NDUFS1: variants seen among roughly 807,000 people sequenced by gnomAD.
The protein encoded by NDUFS1 is NADH-ubiquinone oxidoreductase 75 kDa subunit, mitochondrial.
NDUFS1 carries 61 observed loss-of-function variants against 84.4 expected under a neutral mutation model. The ratio of observed to expected loss-of-function variants is 0.72; its 90% confidence interval spans 0.59 to 0.89. The LOEUF (loss-of-function observed/expected upper bound fraction) is 0.89. Ranked by LOEUF, NDUFS1 falls within the 40% of genes least tolerant of loss-of-function variation. NDUFS1 has a pLI of 0.00. For synonymous variants in NDUFS1, 275 were observed against 290.0 expected (o/e 0.95, Z 0.53); for missense variants, 891 against 890.0 (o/e 1.00, Z -0.01).
At position 206,142,049 on chromosome 2, in the gene NDUFS1, T is replaced by C; in HGVS notation, c.1154A>G (p.Tyr385Cys). The C allele has an allele frequency of 6.2e-7, 1 of 1,604,300 alleles. No homozygotes were observed. Among genetic ancestry groups the C allele is most frequent in the Non-Finnish European group, 8.5e-7 (1 of 1,171,102 alleles). Reference protein sequence around the residue: ...AGAGTDLRSNYLLNTTIAGVE... With the variant: ...AGAGTDLRSNCLLNTTIAGVE... ...ACCAGCAATTGTAGTATTAAGAAGA[T>C]AATTGGAACGCAAATCTGTGCTAGA... The change falls in exon 12 of 19, where the codon TAT becomes TGT. Residue 385 changes from tyrosine (Y) to cysteine (C), a missense_variant. Physicochemically the swap from Tyr to Cys is radical, Grantham distance 194. Coordinates refer to ENST00000233190, the MANE Select transcript of NDUFS1 (RefSeq NM_005006.7).
At chr2:206,132,713 T>G (rs376332867) in intron 14 of NDUFS1, among the ~76,000 whole-genome samples, 16 of 152,340 alleles carry the variant, frequency 1.1e-4, no homozygotes, top group African/African-American at 3.1e-4. Flanking sequence ...TATAACAATT[T>G]TTATAGTACT....
intron 13 of NDUFS1, among the ~76,000 whole-genome samples, chr2:206,136,033 C>CTT (rs771696304): frequency 2.1e-5 from 3 of 142,124 alleles, no homozygotes; most frequent in East Asian, 2.0e-4. Context: ...ACTGCATCAG[C>CTT]TTTTTTTTTT....
At chr2:206,147,117 G>T (rs751969867) in intron 7 of NDUFS1, 29 bp from the exon 8 acceptor site, 1 of 1,603,448 alleles carries the variant, frequency 6.2e-7, no homozygotes, top group Middle Eastern at 1.7e-4. Context: ...GTCATCAATG[G>T]TCAAGTCCAG....
intron 1 of NDUFS1, among the ~76,000 whole-genome samples, chr2:206,157,619 C>T (rs986788689): frequency 6.6e-6 from 1 of 152,172 alleles, no homozygotes; most frequent in Non-Finnish European, 1.5e-5. Flanking sequence ...ACTTTTTTAT[C>T]TCCAATGCAA....
At position 206,127,863 on chromosome 2, in the gene NDUFS1, A is replaced by G; in HGVS notation, c.1818T>C (p.Thr606=). 3 of 1,614,098 alleles carry G rather than the reference A, an allele frequency of 1.9e-6. No homozygotes were observed. The highest frequency in any genetic ancestry group is 2.5e-6 in the Non-Finnish European group (3 of 1,180,014). ...AGCCAGGAGGTGTCACTGCTACCTT[A>G]GTCTGCTGAGCTCTACCCTCAGTGT... ...YVNTEGRAQQ[T]KVAVTPPGLA... Residue 606 remains threonine (T), a synonymous_variant, in exon 16 of 19, where the codon ACT becomes ACC. Transcript: ENST00000233190.
chr2:206,145,077 T>C (rs781280426), intron 8 of NDUFS1, 51 bp from the exon 9 acceptor site: 1 of 1,531,846 alleles, frequency 6.5e-7, no homozygotes, highest in East Asian at 2.3e-5. Flanking sequence ...ATAAAGAAAG[T>C]TTCTGTTACC....
intron 13 of NDUFS1, among the ~76,000 whole-genome samples, chr2:206,136,438 G>GT (rs59751619): frequency 0.44 from 55,011 of 125,802 alleles, 12,049 homozygotes; most frequent in African/African-American, 0.52. Context: ...TTTTTTTTTT[G>GT]TTTTTTTTTT....
chr2:206,130,368 T>G (rs1490064105), intron 14 of NDUFS1, 126 bp from the exon 15 acceptor site: 5 of 1,265,794 alleles, frequency 4.0e-6, no homozygotes, highest in Non-Finnish European at 5.5e-6. Context: ...TTTATTTTTT[T>G]CTCGGCGATA....
intron 15 of NDUFS1, among the ~76,000 whole-genome samples, chr2:206,128,688 T>C (rs950843663): frequency 6.6e-6 from 1 of 151,430 alleles, no homozygotes; most frequent in African/African-American, 2.4e-5. Context: ...GGCTGAGGCA[T>C]GAGAATCGTT....
chr2:206,146,387 GAT>G (rs1692154627), intron 8 of NDUFS1, among the ~76,000 whole-genome samples: 1 of 152,188 alleles, frequency 6.6e-6, no homozygotes, highest in African/African-American at 2.4e-5. Context: ...AAAATTGGAT[GAT>G]AATTTGTTAT....
intron 12 of NDUFS1, among the ~76,000 whole-genome samples, chr2:206,141,078 G>GT (rs1330600815): frequency 6.6e-6 from 1 of 151,958 alleles, no homozygotes; most frequent in Non-Finnish European, 1.5e-5. Flanking sequence ...AGCTAATAAA[G>GT]TAAATTTAAA....
chr2:206,125,655 T>TAA lies in NDUFS1; in HGVS notation c.2092+882_2092+883dup, dbSNP rs552664197. On this transcript the variant is annotated intron_variant, in intron 18 of 18. Transcript: ENST00000233190. ...GGGAGGGTAGTGATTTTTCTTTTTT[T>TAA]AAAAAAAAAAAAACTTTTAGGTTCA... Among the ~76,000 whole-genome samples the TAA allele has an allele frequency of 9.4e-5, 14 of 149,122 alleles. No homozygotes were observed. The East Asian group carries it at 1.4e-3, about 15-fold the overall frequency.
rs1239740330 is a variant in NDUFS1 at position 206,147,792 on chromosome 2, G to A, written c.381C>T (p.Asp127=). Reference sequence around the variant, plus strand: ...CACCTCCCTGGTCACAAATAGGACAGTCCAATGGGTGATTTGCTAATAAGA... The same window carrying A: ...CACCTCCCTGGTCACAAATAGGACAATCCAATGGGTGATTTGCTAATAAGA... ...MEFLLANHPL[D]CPICDQGGEC... The change falls in exon 6 of 19, where the codon GAC becomes GAT. Residue 127 remains aspartate, a synonymous_variant. Coordinates refer to ENST00000233190, the MANE Select transcript of NDUFS1 (RefSeq NM_005006.7). 4 of 1,614,046 alleles carry A rather than the reference G, an allele frequency of 2.5e-6. No homozygotes were observed. Among genetic ancestry groups the A allele is most frequent in the African/African-American group, 1.3e-5 (1 of 74,924 alleles).
chr2:206,130,286 A>C, intron 14 of NDUFS1, 44 bp from the exon 15 acceptor site: 2 of 1,602,856 alleles, frequency 1.2e-6, no homozygotes, highest in South Asian at 2.2e-5. Flanking sequence ...CAGTATTTTC[A>C]ATGTAAAAAA....
Position 206,142,615 on chromosome 2 carries a change from G to A in NDUFS1, c.1133+71C>T, listed in dbSNP as rs1692005244. ...GGGGATATGTTGGAGAATCCAGGTT[G>A]TCACATTTTATACATAACTTGTAAC... is the stretch of plus-strand genomic sequence containing the variant. On this transcript the variant is annotated intron_variant, in intron 11 of 18. Transcript: ENST00000233190. 3 of 1,577,086 alleles carry A rather than the reference G, an allele frequency of 1.9e-6. No homozygotes were observed. The Admixed American group carries it at 5.1e-5, about 27-fold the overall frequency.
intron 5 of NDUFS1, among the ~76,000 whole-genome samples, chr2:206,148,695 T>C (rs1692253752): frequency 6.6e-6 from 1 of 152,164 alleles, no homozygotes; most frequent in Admixed American, 6.6e-5. Context: ...TCAGAAAATA[T>C]TCACATTAAT....
chr2:206,158,286 G>A (rs1344995813), intron 1 of NDUFS1, among the ~76,000 whole-genome samples: 1 of 152,120 alleles, frequency 6.6e-6, no homozygotes, highest in Non-Finnish European at 1.5e-5. Context: ...AGGTCACCAA[G>A]CTTCCACACT....
At chr2:206,150,739 C>T (rs16837986) in intron 3 of NDUFS1, among the ~76,000 whole-genome samples, 3,718 of 152,298 alleles carry the variant, frequency 0.024, 154 homozygotes, top group African/African-American at 0.085. Flanking sequence ...TTCAGATTTA[C>T]AGGTATTTGC....
rs376732372 is a variant in NDUFS1 at position 206,156,180 on chromosome 2, G to A, written c.-4-2498C>T. ...GGGGAGGCTGAGGCAGGAGAATGGC[G>A]TGAACCCGGGAGGCGGAGCTTGCAG... On this transcript the variant is annotated intron_variant, in intron 1 of 18. Coordinates refer to ENST00000233190, the MANE Select transcript of NDUFS1 (RefSeq NM_005006.7). Among the ~76,000 whole-genome samples the A allele has an allele frequency of 3.3e-5, 5 of 149,554 alleles. No homozygotes were observed. In the East Asian group the frequency reaches 8.0e-4, roughly 24 times the overall value.
Sources: gnomAD v4.1 joint callset for allele counts (sites outside exome capture counted in the v4.1 genomes callset) on GRCh38, gnomAD v4.1.1 for gene constraint, MANE v1.5 for transcripts, NCBI Gene and HGNC (gene_info 2026-07-23, HGNC 2026-07-21) for gene names.